GRIN2A: variants seen among roughly 807,000 people sequenced by gnomAD.
GRIN2A encodes glutamate ionotropic receptor NMDA type subunit 2A, also known as glutamate receptor ionotropic, NMDA 2A.
In GRIN2A, 22 loss-of-function variants were observed where a neutral mutation model predicts 113.4. The observed-to-expected ratio is 0.19, with a 90% CI of 0.14 to 0.28. The LOEUF is 0.28. Ranked by LOEUF, GRIN2A falls within the 10% of genes least tolerant of loss-of-function variation. The pLI, the probability that GRIN2A is intolerant of heterozygous loss-of-function variation, is 1.00. For missense variants in GRIN2A, 1,502 were observed against 1,887.0 expected, an observed-to-expected ratio of 0.80 and a Z score of 3.78; for synonymous variants, 827 against 738.4, an observed-to-expected ratio of 1.12 and a Z score of -1.94.
chr16:9,772,589 T>C (rs1041865628), intron 11 of GRIN2A, among the ~76,000 whole-genome samples: 15 of 152,264 alleles, frequency 9.9e-5, no homozygotes, highest in Non-Finnish European at 1.9e-4. Flanking sequence ...CCCAGGCTGA[T>C]GATCTCAAAC....
chr16:9,810,792 T>G (rs2141268057), intron 10 of GRIN2A, among the ~76,000 whole-genome samples: 1 of 152,328 alleles, frequency 6.6e-6, no homozygotes, highest in South Asian at 2.1e-4. Context: ...TTATGGCCAC[T>G]CTAGGAAACT....
intron 2 of GRIN2A, among the ~76,000 whole-genome samples, chr16:10,129,789 T>C (rs951204821): frequency 1.3e-5 from 2 of 152,210 alleles, no homozygotes; most frequent in Non-Finnish European, 2.9e-5. Context: ...ATTCAAGATA[T>C]GGGTTTTGTC....
At chr16:10,135,756 G>C (rs2049178875) in intron 2 of GRIN2A, among the ~76,000 whole-genome samples, 1 of 152,148 alleles carries the variant, frequency 6.6e-6, no homozygotes, top group South Asian at 2.1e-4. Context: ...TTACTCTTCA[G>C]AGAAGCCTCA....
chr16:9,949,879 A>T (rs2045134306), intron 2 of GRIN2A, among the ~76,000 whole-genome samples: 1 of 152,130 alleles, frequency 6.6e-6, no homozygotes, highest in Non-Finnish European at 1.5e-5. Flanking sequence ...TTAGTAGCAC[A>T]GTGATGGGTT....
In GRIN2A at chr16:10,087,093, C is replaced by T. The variant is rs147085626; in HGVS notation, c.414+92905G>A. Among the ~76,000 whole-genome samples the T allele has an allele frequency of 2.1e-3, 326 of 152,284 alleles. 1 individual carries two copies. Among genetic ancestry groups the T allele is most frequent in the African/African-American group, 7.4e-3 (307 of 41,552 alleles). On this transcript the variant is annotated intron_variant, in intron 2 of 12. Coordinates refer to ENST00000330684, the MANE Select transcript of GRIN2A (RefSeq NM_001134407.3). ...AATGCAGTGGCTAAAGCTGTAGGCTCGAGAGTCTGACCAAGTCCATGCAAA... is the reference window on the plus strand; with the variant it reads ...AATGCAGTGGCTAAAGCTGTAGGCTTGAGAGTCTGACCAAGTCCATGCAAA...
chr16:10,126,827 A>C (rs1325440906), intron 2 of GRIN2A, among the ~76,000 whole-genome samples: 1 of 152,178 alleles, frequency 6.6e-6, no homozygotes, highest in East Asian at 1.9e-4. Context: ...CACATGTCCA[A>C]GATGTCTCAG....
chr16:9,858,563 G>A (rs144879543), intron 4 of GRIN2A, among the ~76,000 whole-genome samples: 96 of 152,140 alleles, frequency 6.3e-4, no homozygotes, highest in Non-Finnish European at 1.1e-3. Flanking sequence ...ATAATTGACC[G>A]CTGATGGAGA....
chr16:9,945,504 C>G (rs983433979), intron 2 of GRIN2A, among the ~76,000 whole-genome samples: 1 of 152,054 alleles, frequency 6.6e-6, no homozygotes, highest in Non-Finnish European at 1.5e-5. Flanking sequence ...CAATGAATGC[C>G]CTGTAGTCAG....
At chr16:9,916,377 C>T (rs1220020159) in intron 3 of GRIN2A, among the ~76,000 whole-genome samples, 1 of 152,162 alleles carries the variant, frequency 6.6e-6, no homozygotes, top group Non-Finnish European at 1.5e-5. Flanking sequence ...CTCAAGAGAA[C>T]CAGAAATTGT....
chr16:10,017,580 T>C (rs564576241), intron 2 of GRIN2A, among the ~76,000 whole-genome samples: 3 of 152,194 alleles, frequency 2.0e-5, no homozygotes, highest in Admixed American at 1.3e-4. Context: ...TTCCCAGCTA[T>C]TGTGAGTTGT....
At chr16:10,157,554 A>G (rs1464509729) in intron 2 of GRIN2A, among the ~76,000 whole-genome samples, 1 of 152,216 alleles carries the variant, frequency 6.6e-6, no homozygotes, top group Non-Finnish European at 1.5e-5. Flanking sequence ...ACTTACAATC[A>G]TGGCAGAAGA....
rs541948692 is a variant in GRIN2A, at chr16:10,111,498, A to T, written c.414+68500T>A. The T allele has an allele frequency of 2.0e-5, 14 of 690,522 alleles. No homozygotes were observed. The Admixed American group carries it at 2.5e-4, about 12-fold the overall frequency. The allele number at this position is 690,522 out of a possible 1,614,324, so 42.8% of individuals were successfully genotyped here. A position where few individuals can be genotyped will look rare whatever the true frequency, so the allele number is the denominator to read the frequency against. On this transcript the variant is annotated intron_variant, in intron 2 of 12. Transcript: ENST00000330684. ...CCCACAACAACTTCCTGATTCTCCC[A>T]TGGTTCATAGATTTCATAGCTGATG...
At chr16:10,059,102 A>T (rs1014741406) in intron 2 of GRIN2A, among the ~76,000 whole-genome samples, 1 of 152,186 alleles carries the variant, frequency 6.6e-6, no homozygotes, top group Non-Finnish European at 1.5e-5. Context: ...GAACAGGAGG[A>T]CAGTCCATGT....
At chr16:10,148,294 GC>G (rs2049488480) in intron 2 of GRIN2A, among the ~76,000 whole-genome samples, 1 of 152,112 alleles carries the variant, frequency 6.6e-6, no homozygotes, top group Admixed American at 6.5e-5. Context: ...AGATCCTATG[GC>G]CTGCAAAGCC....
chr16:10,023,429 T>A (rs1402852994), intron 2 of GRIN2A, among the ~76,000 whole-genome samples: 1 of 152,236 alleles, frequency 6.6e-6, no homozygotes. Flanking sequence ...TAATTACAAC[T>A]TTATATGTGA....
chr16:9,757,230 G>A lies in GRIN2A; in HGVS notation c.*5919C>T, dbSNP rs1163300390. 5 of 219,816 alleles carry A rather than the reference G, an allele frequency of 2.3e-5. No individual in the cohort carries two copies. Among genetic ancestry groups the A allele is most frequent in the Non-Finnish European group, 4.6e-5 (5 of 109,640 alleles). 13.6% of individuals were successfully genotyped at this position (219,816 alleles called of 1,614,324 possible). A position where few individuals can be genotyped will look rare whatever the true frequency, so the allele number is the denominator to read the frequency against. On this transcript the variant is annotated 3_prime_UTR_variant, in exon 13 of 13. Coordinates refer to ENST00000330684, the MANE Select transcript of GRIN2A (RefSeq NM_001134407.3). ...TTCCTGTGCAAAAATGTAGGAGTGT[G>A]AGTGTGTTCACCTGGTTAGCAGCTC...
At chr16:9,887,221 A>G (rs1187955688) in intron 4 of GRIN2A, among the ~76,000 whole-genome samples, 3 of 152,104 alleles carry the variant, frequency 2.0e-5, no homozygotes, top group Non-Finnish European at 4.4e-5. Context: ...AAGCACAATG[A>G]CATACAACAA....
chr16:10,148,994 C>A (rs1285443609), intron 2 of GRIN2A, among the ~76,000 whole-genome samples: 1 of 152,170 alleles, frequency 6.6e-6, no homozygotes, highest in Non-Finnish European at 1.5e-5. Context: ...CATGTTCTCA[C>A]CCATCTGTGG....
chr16:9,802,086 G>A (rs757119457), intron 10 of GRIN2A, among the ~76,000 whole-genome samples: 5 of 152,204 alleles, frequency 3.3e-5, no homozygotes, highest in African/African-American at 7.2e-5. Context: ...TGGCAAGGTT[G>A]TGAAGAAAAA....
Sources: gnomAD v4.1 joint callset for allele counts (sites outside exome capture counted in the v4.1 genomes callset) on GRCh38, gnomAD v4.1.1 for gene constraint, MANE v1.5 for transcripts, NCBI Gene and HGNC (gene_info 2026-07-23, HGNC 2026-07-21) for gene names.